The following OBI1 variants were observed in gnomAD, a reference collection of about 807,000 sequenced individuals.
OBI1 encodes ring finger protein 219.
Under a neutral mutation model 62.4 loss-of-function variants are expected in OBI1, and 59 were observed. The ratio of observed to expected loss-of-function variants is 0.95; its 90% CI spans 0.77 to 1.17. The LOEUF (loss-of-function observed/expected upper bound fraction) is 1.17. Ranked by LOEUF, OBI1 falls within the 50% of genes most tolerant of loss-of-function variation. The probability of loss-of-function intolerance (pLI) is 0.00; values close to 1 mark genes in which losing one functional copy is unlikely to be tolerated. For synonymous variants in OBI1, 302 were observed against 292.8 expected, an observed-to-expected ratio of 1.03 and a Z score of -0.32; for missense variants, 875 against 830.9, an observed-to-expected ratio of 1.05 and a Z score of -0.65.
chr13:78,644,260 T>A (rs1210525178), intron 2 of OBI1, among the ~76,000 whole-genome samples: 1 of 152,214 alleles, frequency 6.6e-6, no homozygotes, highest in Non-Finnish European at 1.5e-5. Flanking sequence ...TCATGCCCAA[T>A]TCACCCTTCT....
At chr13:78,629,179 A>T (rs1875772006) in intron 5 of OBI1, among the ~76,000 whole-genome samples, 1 of 152,114 alleles carries the variant, frequency 6.6e-6, no homozygotes, top group South Asian at 2.1e-4. Flanking sequence ...GGCATTGCTG[A>T]AGACTTGTCC....
rs755427894 is a variant in OBI1, at chr13:78,615,752, G to T, written c.2009C>A (p.Ser670Ter). 6.2e-7 allele frequency: 1 copy of T among 1,613,944 alleles called. No individual in the cohort carries two copies. Among genetic ancestry groups the T allele is most frequent in the South Asian group, 1.1e-5 (1 of 91,014 alleles). ...CTCTGAGGACATCTTAAACAAAGAT[G>T]ACCCAAATCTTTGATCTTCAAATAG... ...HRLFEDQRFG[S>*]SLFKMSSEMH... Residue 670 changes from serine to a stop codon, truncating the protein, a stop_gained, in exon 6 of 6, where the codon TCA becomes TAA. Coordinates refer to ENST00000282003, the MANE Select transcript of OBI1 (RefSeq NM_024546.4). LOFTEE classifies it high-confidence loss of function.
chr13:78,631,072 G>A (rs945557848), intron 5 of OBI1, among the ~76,000 whole-genome samples: 1 of 152,064 alleles, frequency 6.6e-6, no homozygotes, highest in Non-Finnish European at 1.5e-5. Context: ...CTCCCTCAAT[G>A]ACTTAATGAA....
intron 3 of OBI1, among the ~76,000 whole-genome samples, chr13:78,640,000 A>G (rs952331763): frequency 6.0e-5 from 9 of 149,326 alleles, no homozygotes; most frequent in Non-Finnish European, 1.0e-4. Context: ...AATTAAAAAC[A>G]AAAACAAAAA....
intron 1 of OBI1, among the ~76,000 whole-genome samples, chr13:78,651,381 A>C (rs561511176): frequency 1.3e-5 from 2 of 152,208 alleles, no homozygotes; most frequent in Non-Finnish European, 2.9e-5. Flanking sequence ...TTTCCTGCTC[A>C]TAGTTCGAGG....
At chr13:78,634,865 T>C (rs993298040) in intron 5 of OBI1, among the ~76,000 whole-genome samples, 1 of 152,174 alleles carries the variant, frequency 6.6e-6, no homozygotes, top group Non-Finnish European at 1.5e-5. Context: ...CTCACTTGTG[T>C]TAGGTCACAT....
intron 1 of OBI1, among the ~76,000 whole-genome samples, chr13:78,657,659 AGAC>A (rs1378491424): frequency 2.6e-5 from 4 of 152,234 alleles, no homozygotes; most frequent in African/African-American, 9.6e-5. Flanking sequence ...CAATTGCAAA[AGAC>A]AGCCTATAAC....
In OBI1 at chr13:78,639,074, G is replaced by C; in HGVS notation, c.301-3C>G. 6.2e-7 allele frequency: 1 copy of C among 1,610,180 alleles called. No individual in the cohort carries two copies. ...TTCTGTAAACAATCTATTTCGTCCT[G>C]AAAAAGCATTGCATAGTCATGAGGC... On this transcript the variant is annotated splice_polypyrimidine_tract_variant and splice_region_variant and intron_variant, in intron 3 of 5. Transcript: ENST00000282003.
intron 5 of OBI1, among the ~76,000 whole-genome samples, chr13:78,618,391 T>C (rs1482220493): frequency 1.3e-5 from 2 of 151,538 alleles, no homozygotes; most frequent in Non-Finnish European, 2.9e-5. Context: ...GTATTTAGTA[T>C]TGAAAAAAAA....
chr13:78,641,438 T>C (rs2137456640), intron 3 of OBI1, among the ~76,000 whole-genome samples: 1 of 152,254 alleles, frequency 6.6e-6, no homozygotes, highest in African/African-American at 2.4e-5. Flanking sequence ...GAAAGATATT[T>C]TGAGTCAAGA....
chr13:78,634,122 A>G (rs1290373898), intron 5 of OBI1, among the ~76,000 whole-genome samples: 1 of 147,298 alleles, frequency 6.8e-6, no homozygotes, highest in Non-Finnish European at 1.5e-5. Flanking sequence ...AACAAACAAC[A>G]AAAAAAAACA....
chr13:78,637,055 A>AT lies in OBI1; in HGVS notation c.549+1767dup, dbSNP rs1476022154. ...CTGCCTACCTTTTGCACCTAAAAGA[A>AT]TAATGAATATTTCAGCTAACCCTTC... On this transcript the variant is annotated intron_variant, in intron 4 of 5. Coordinates refer to ENST00000282003, the MANE Select transcript of OBI1 (RefSeq NM_024546.4). 2.0e-5 allele frequency among the ~76,000 whole-genome samples: 3 copies of AT among 152,376 alleles called. No individual in the cohort carries two copies. In the East Asian group the frequency reaches 5.8e-4, roughly 29 times the overall value.
chr13:78,652,660 C>G (rs1376096335), intron 1 of OBI1, among the ~76,000 whole-genome samples: 1 of 152,126 alleles, frequency 6.6e-6, no homozygotes, highest in Non-Finnish European at 1.5e-5. Flanking sequence ...GGTTTCACCT[C>G]AGAACATCAG....
At chr13:78,628,858 G>A (rs1050695438) in intron 5 of OBI1, among the ~76,000 whole-genome samples, 15 of 151,984 alleles carry the variant, frequency 9.9e-5, no homozygotes, top group Admixed American at 2.6e-4. Flanking sequence ...TCTGGTAAAG[G>A]CACAAAAAAG....
At chr13:78,648,471 G>A (rs1593800418) in intron 1 of OBI1, among the ~76,000 whole-genome samples, 1 of 151,942 alleles carries the variant, frequency 6.6e-6, no homozygotes, top group East Asian at 1.9e-4. Flanking sequence ...CAATGCTCAA[G>A]ACATAAAAGT....
At chr13:78,651,875 T>G (rs1487380729) in intron 1 of OBI1, among the ~76,000 whole-genome samples, 1 of 152,120 alleles carries the variant, frequency 6.6e-6, no homozygotes, top group Non-Finnish European at 1.5e-5. Context: ...AAAAGTGAAT[T>G]TTGATGTACT....
At chr13:78,626,380 TA>T (rs1319762574) in intron 5 of OBI1, among the ~76,000 whole-genome samples, 3 of 152,168 alleles carry the variant, frequency 2.0e-5, no homozygotes, top group East Asian at 1.9e-4. Flanking sequence ...AATGTGCATT[TA>T]AAAAATATGT....
intron 2 of OBI1, among the ~76,000 whole-genome samples, chr13:78,644,116 T>G (rs949390273): frequency 8.5e-5 from 13 of 152,214 alleles, no homozygotes; most frequent in African/African-American, 3.1e-4. Context: ...AACTTACATT[T>G]TCTATCACCT....
At chr13:78,630,510 A>T (rs1210929922) in intron 5 of OBI1, among the ~76,000 whole-genome samples, 2 of 152,144 alleles carry the variant, frequency 1.3e-5, no homozygotes, top group Admixed American at 6.5e-5. Context: ...TTGAAACCTA[A>T]TCCCTAAAGT....
Sources: gnomAD v4.1 joint callset for allele counts (sites outside exome capture counted in the v4.1 genomes callset) on GRCh38, gnomAD v4.1.1 for gene constraint, MANE v1.5 for transcripts, NCBI Gene and HGNC (gene_info 2026-07-23, HGNC 2026-07-21) for gene names.